Variants in OPCML observed in about 807,000 individuals in gnomAD.
OPCML encodes opioid-binding protein/cell adhesion molecule.
Under a neutral mutation model 37.8 loss-of-function variants are expected in OPCML, and 13 were observed. The ratio of observed to expected loss-of-function variants is 0.34; its 90% CI spans 0.22 to 0.55. The LOEUF (loss-of-function observed/expected upper bound fraction) is 0.55, where lower values mean the gene tolerates loss of function less well. Among genes scored for constraint, OPCML ranks in the 20% least tolerant of loss-of-function variants. The pLI is 0.91. For missense variants in OPCML, 341 were observed against 435.6 expected (o/e 0.78, Z 1.93); for synonymous variants, 176 against 168.8 (o/e 1.04, Z -0.33).
chr11:133,289,573 C>CAA (rs1942410455), intron 1 of OPCML, among the ~76,000 whole-genome samples: 1 of 123,144 alleles, frequency 8.1e-6, no homozygotes, highest in Admixed American at 1.0e-4. Context: ...CCAGCCTGGG[C>CAA]GACAGAGCGA....
At chr11:132,677,599 A>C (rs781186271) in intron 2 of OPCML, among the ~76,000 whole-genome samples, 3 of 152,182 alleles carry the variant, frequency 2.0e-5, no homozygotes, top group Non-Finnish European at 2.9e-5. Context: ...TTCCAAATAG[A>C]TCTGTCTTCA....
At chr11:133,160,187 T>C (rs1014969851) in intron 1 of OPCML, among the ~76,000 whole-genome samples, 2 of 152,186 alleles carry the variant, frequency 1.3e-5, no homozygotes, top group African/African-American at 4.8e-5. Context: ...TGCCCCTAAG[T>C]CTCTCAATTT....
chr11:133,372,918 C>G (rs1464057343), intron 1 of OPCML, among the ~76,000 whole-genome samples: 1 of 152,278 alleles, frequency 6.6e-6, no homozygotes, highest in Non-Finnish European at 1.5e-5. Context: ...TTTACATAGG[C>G]ATTTGAGTTG....
chr11:133,353,701 C>T (rs1565588253), intron 1 of OPCML, among the ~76,000 whole-genome samples: 1 of 152,220 alleles, frequency 6.6e-6, no homozygotes, highest in Non-Finnish European at 1.5e-5. Context: ...GGAGCCTGCT[C>T]TCTACTTCCA....
intron 2 of OPCML, among the ~76,000 whole-genome samples, chr11:132,866,159 C>A (rs1448062172): frequency 6.6e-6 from 1 of 152,044 alleles, no homozygotes; most frequent in Non-Finnish European, 1.5e-5. Flanking sequence ...AGCACTTCCA[C>A]ATACTTGCAC....
intron 4 of OPCML, among the ~76,000 whole-genome samples, chr11:132,466,762 G>A (rs1369969282): frequency 6.6e-6 from 1 of 152,128 alleles, no homozygotes; most frequent in Non-Finnish European, 1.5e-5. Context: ...AAGCATTCGG[G>A]GCTGGAGCCT....
intron 1 of OPCML, among the ~76,000 whole-genome samples, chr11:133,170,214 C>T (rs937875214): frequency 3.3e-5 from 5 of 152,228 alleles, no homozygotes; most frequent in African/African-American, 1.2e-4. Flanking sequence ...CGGTGGCTCA[C>T]GCCTGTAATC....
In OPCML at chr11:133,295,925, C is replaced by T. The variant is rs147154987; in HGVS notation, c.61+236339G>A. 5.8e-3 allele frequency among the ~76,000 whole-genome samples: 886 copies of T among 152,178 alleles called. 8 individuals are homozygous for T. Among genetic ancestry groups the T allele is most frequent in the African/African-American group, 0.02 (838 of 41,510 alleles). ...CACTCCTTTGACTTACATTTTGAAA[C>T]GAATATAACATCTGCCAGATTTCCT... On this transcript the variant is annotated intron_variant, in intron 1 of 7. Transcript: ENST00000524381.
intron 1 of OPCML, chr11:133,024,474 G>A (rs940760891): frequency 3.0e-6 from 3 of 985,062 alleles, no homozygotes; most frequent in African/African-American, 3.5e-5. Context: ...CACAGCAGAG[G>A]GGCAGGTTTC....
In OPCML at chr11:133,478,629, C is replaced by T. The variant is rs147813906; in HGVS notation, c.61+53635G>A. 4.0e-3 allele frequency among the ~76,000 whole-genome samples: 610 copies of T among 152,278 alleles called. 4 individuals carry two copies. Among genetic ancestry groups the T allele is most frequent in the African/African-American group, 0.014 (586 of 41,536 alleles). On this transcript the variant is annotated intron_variant, in intron 1 of 7. Transcript: ENST00000524381. ...GTTACGTAACACAAATGGAGTAAGA[C>T]AAATAATTGAAGTACAGGATCTACT...
chr11:132,669,746 G>C (rs771265167), intron 2 of OPCML, among the ~76,000 whole-genome samples: 10 of 152,290 alleles, frequency 6.6e-5, no homozygotes, highest in African/African-American at 2.2e-4. Flanking sequence ...TTTGAGGCAA[G>C]AATGATAAAA....
At chr11:133,201,357 A>G (rs1050926595) in intron 1 of OPCML, among the ~76,000 whole-genome samples, 3 of 146,498 alleles carry the variant, frequency 2.0e-5, no homozygotes, top group African/African-American at 7.7e-5. Flanking sequence ...AGTATATTTT[A>G]TGCCTTTTAG....
chr11:133,341,006 C>T (rs527774118), intron 1 of OPCML, among the ~76,000 whole-genome samples: 1 of 152,122 alleles, frequency 6.6e-6, no homozygotes, highest in African/African-American at 2.4e-5. Flanking sequence ...CTGCCTATCC[C>T]CCTTCTTCTC....
At chr11:132,559,753 C>A (rs2096406432) in intron 3 of OPCML, among the ~76,000 whole-genome samples, 1 of 152,104 alleles carries the variant, frequency 6.6e-6, no homozygotes, top group Admixed American at 6.6e-5. Context: ...CAATATATGA[C>A]CACCTGGAGG....
intron 3 of OPCML, among the ~76,000 whole-genome samples, chr11:132,570,246 C>T (rs1252852529): frequency 6.6e-6 from 1 of 152,138 alleles, no homozygotes; most frequent in Non-Finnish European, 1.5e-5. Flanking sequence ...CATGTTTCAA[C>T]AGCAGAGTTG....
intron 1 of OPCML, among the ~76,000 whole-genome samples, chr11:133,488,703 C>T (rs533654304): frequency 1.6e-4 from 25 of 152,026 alleles, no homozygotes; most frequent in Admixed American, 4.6e-4. Flanking sequence ...TGTCATTTTT[C>T]GCAGAATTAT....
At chr11:133,503,210 C>T (rs1947954535) in intron 1 of OPCML, among the ~76,000 whole-genome samples, 1 of 152,184 alleles carries the variant, frequency 6.6e-6, no homozygotes, top group African/African-American at 2.4e-5. Flanking sequence ...AGGTTTGAAA[C>T]TCAGATCTGT....
intron 2 of OPCML, among the ~76,000 whole-genome samples, chr11:132,705,222 C>A (rs1000633705): frequency 6.6e-6 from 1 of 151,138 alleles, no homozygotes; most frequent in Non-Finnish European, 1.5e-5. Context: ...GGATTTCTCA[C>A]GGATGTTTCA....
intron 1 of OPCML, among the ~76,000 whole-genome samples, chr11:133,295,276 A>C (rs367881508): frequency 6.6e-6 from 1 of 152,226 alleles, no homozygotes; most frequent in South Asian, 2.1e-4. Flanking sequence ...AAGAATCTAC[A>C]CTTTTCCAAG....
Sources: gnomAD v4.1 joint callset for allele counts (sites outside exome capture counted in the v4.1 genomes callset) on GRCh38, gnomAD v4.1.1 for gene constraint, MANE v1.5 for transcripts, NCBI Gene and HGNC (gene_info 2026-07-23, HGNC 2026-07-21) for gene names.